Variants in FNTB observed in about 807,000 individuals in gnomAD.
The protein encoded by FNTB is protein farnesyltransferase subunit beta.
FNTB carries 27 observed loss-of-function variants against 59.4 expected under a neutral mutation model. That is an observed-to-expected ratio of 0.45 (90% CI 0.34 to 0.63). The LOEUF (loss-of-function observed/expected upper bound fraction) is 0.63, where lower values mean the gene tolerates loss of function less well. Ranked by LOEUF, FNTB falls within the 20% of genes least tolerant of loss-of-function variation. FNTB has a pLI of 0.02. For missense variants in FNTB, 449 were observed against 559.6 expected (o/e 0.80, Z 1.99); for synonymous variants, 230 against 220.7 (o/e 1.04, Z -0.37).
rs1330812430 is a variant in FNTB at position 64,991,837 on chromosome 14, A to G, written c.144+4740A>G. Among the ~76,000 whole-genome samples the G allele has an allele frequency of 6.6e-6, 1 of 152,116 alleles. No individual in the cohort carries two copies. Among genetic ancestry groups the G allele is most frequent in the Non-Finnish European group, 1.5e-5 (1 of 68,012 alleles). Reference sequence around the variant, plus strand: ...GACTCAGGCTTGACTGGGGGCGTTAAGATGGCTTACCAGGAACGGAGGGTG... The same window carrying G: ...GACTCAGGCTTGACTGGGGGCGTTAGGATGGCTTACCAGGAACGGAGGGTG... On this transcript the variant is annotated intron_variant, in intron 1 of 11. Coordinates refer to ENST00000246166, the MANE Select transcript of FNTB (RefSeq NM_002028.4). This position sits in a 1 kb window ranked among gnomAD's most constrained non-coding sequence, Gnocchi z 4.4.
Position 65,054,476 on chromosome 14 carries a change from G to GA in FNTB, c.1068-98dup, listed in dbSNP as rs1299323324. 5 of 1,192,288 alleles carry GA rather than the reference G, an allele frequency of 4.2e-6. No homozygotes were observed. The highest frequency in any genetic ancestry group is 5.9e-6 in the Non-Finnish European group (5 of 840,848). The allele number at this position is 1,192,288 out of a possible 1,614,324, so 73.9% of individuals were successfully genotyped here. A position where few individuals can be genotyped will look rare whatever the true frequency, so the allele number is the denominator to read the frequency against. On this transcript the variant is annotated intron_variant, in intron 10 of 11. Coordinates refer to ENST00000246166, the MANE Select transcript of FNTB (RefSeq NM_002028.4). This position sits in a 1 kb window ranked among gnomAD's most constrained non-coding sequence, Gnocchi z 4.4. ...TCTAGCCACATGGAGGATGGGGGGGGACGTGTGATTGCACCAGTGGTCTCT... is the reference window on the plus strand; with the variant it reads ...TCTAGCCACATGGAGGATGGGGGGGGAACGTGTGATTGCACCAGTGGTCTCT...
intron 1 of FNTB, among the ~76,000 whole-genome samples, chr14:65,000,815 C>CAAAAAAA (rs59420832): frequency 5.2e-4 from 19 of 36,478 alleles, no homozygotes; most frequent in African/African-American, 1.3e-3. Context: ...GACTCCGTCT[C>CAAAAAAA]AAAAAAAAAA....
In FNTB at chr14:65,028,391, GA is replaced by G. The variant is rs1408090421; in HGVS notation, c.605+612del. On this transcript the variant is annotated intron_variant, in intron 6 of 11. Transcript: ENST00000246166. This position sits in a 1 kb window ranked among gnomAD's most constrained non-coding sequence, Gnocchi z 4.4. ...GCAGATTACTTATGAGGCATACAGG[GA>G]ATTCATTGAATAAGCCATTTCTCTA... 6.6e-6 allele frequency among the ~76,000 whole-genome samples: 1 copy of G among 152,204 alleles called. No individual in the cohort carries two copies. The highest frequency in any genetic ancestry group is 1.5e-5 in the Non-Finnish European group (1 of 68,042).
At chr14:65,022,689 T>G (rs1595042389) in intron 4 of FNTB, among the ~76,000 whole-genome samples, 1 of 151,016 alleles carries the variant, frequency 6.6e-6, no homozygotes, top group Non-Finnish European at 1.5e-5. Context: ...AAAAAAAAAG[T>G]AGTCATTTTT....
chr14:65,027,366 T>C lies in FNTB; in HGVS notation c.375-87T>C, dbSNP rs1373957544. On this transcript the variant is annotated intron_variant, in intron 4 of 11. Transcript: ENST00000246166. This position sits in a 1 kb window ranked among gnomAD's most constrained non-coding sequence, Gnocchi z 5.7. ...CAACTTTTGAGGGAGTGGGGGATCA[T>C]TGGAAAGGCCTGGAATCTAGTGGGA... is the stretch of plus-strand genomic sequence containing the variant. 1.9e-5 allele frequency: 29 copies of C among 1,566,458 alleles called. No homozygotes were observed. The South Asian group carries it at 2.5e-4, about 14-fold the overall frequency.
At chr14:65,059,858 CAG>C (rs1312862641) in intron 11 of FNTB, among the ~76,000 whole-genome samples, 1 of 125,324 alleles carries the variant, frequency 8.0e-6, no homozygotes, top group Non-Finnish European at 1.6e-5. Flanking sequence ...TTTTTTGAGA[CAG>C]AGTCTCGCTG....
At position 65,027,571 on chromosome 14, in the gene FNTB, A is replaced by C; in HGVS notation, c.493A>C (p.Thr165Pro). Residue 165 changes from threonine (T) to proline (P), a missense_variant, in exon 5 of 12, where the codon ACC becomes CCC. By Grantham distance (38) the Thr-to-Pro change is conservative. Coordinates refer to ENST00000246166, the MANE Select transcript of FNTB (RefSeq NM_002028.4). The surrounding 1 kb of genome is among the most constrained non-coding windows in gnomAD (Gnocchi z 5.7). ...AGTCAATGCATTGTGCATCATTGGC[A>C]CCGAGGAGGCCTATGACATCATTAA... ...AAVNALCIIGTEEAYDIINRE... is the reference protein window; with the variant it reads ...AAVNALCIIGPEEAYDIINRE... 1 of 1,614,178 alleles carries C rather than the reference A, an allele frequency of 6.2e-7. No individual in the cohort carries two copies. The highest frequency in any genetic ancestry group is 8.5e-7 in the Non-Finnish European group (1 of 1,180,016).
intron 11 of FNTB, among the ~76,000 whole-genome samples, chr14:65,055,779 G>A (rs577382644): frequency 6.6e-6 from 1 of 152,196 alleles, no homozygotes; most frequent in African/African-American, 2.4e-5. Context: ...AGCCTCCCAA[G>A]GTGCCAGGAT....
In FNTB at chr14:65,012,254, A is replaced by G. The variant is rs2061695126; in HGVS notation, c.210-63A>G. On this transcript the variant is annotated intron_variant, in intron 2 of 11. Transcript: ENST00000246166. This position sits in a 1 kb window ranked among gnomAD's most constrained non-coding sequence, Gnocchi z 5.0. ...TTTACCCGTGTGTGTGTACGTGCAC[A>G]TACGTGTGTATGGTGGAAGCATAAG... is the stretch of plus-strand genomic sequence containing the variant. 1 of 1,601,996 alleles carries G rather than the reference A, an allele frequency of 6.2e-7. No homozygotes were observed. Among genetic ancestry groups the G allele is most frequent in the South Asian group, 1.1e-5 (1 of 90,646 alleles).
intron 7 of FNTB, among the ~76,000 whole-genome samples, chr14:65,037,402 CCTTTTTTTTTTTTTTTTTTTTTTTT>C (rs1468305174): frequency 0.033 from 480 of 14,520 alleles, 44 homozygotes; most frequent in Middle Eastern, 0.25. Flanking sequence ...CACGCCGGGC[CCTTTTTTTTTTTTTTTTTTTTTTTT>C]TTTTTTTTTT....
At chr14:65,019,102 G>A (rs2061837507) in intron 4 of FNTB, among the ~76,000 whole-genome samples, 1 of 152,212 alleles carries the variant, frequency 6.6e-6, no homozygotes, top group Non-Finnish European at 1.5e-5. Context: ...GAACCCGGGA[G>A]GCGGAGGTTG....
chr14:64,999,781 T>C (rs760480030), intron 1 of FNTB, among the ~76,000 whole-genome samples: 34 of 152,218 alleles, frequency 2.2e-4, no homozygotes, highest in Non-Finnish European at 2.2e-4. Context: ...AATACACAGA[T>C]AGTCATCAGA....
chr14:65,048,032 G>A (rs1345266493), intron 9 of FNTB, among the ~76,000 whole-genome samples: 1 of 145,038 alleles, frequency 6.9e-6, no homozygotes, highest in Non-Finnish European at 1.5e-5. Flanking sequence ...CTGTTGCTGA[G>A]GCTGGAGTGC....
Position 65,007,972 on chromosome 14 carries a change from C to T in FNTB, c.209+3659C>T, listed in dbSNP as rs1194577294. ...CCAGAATACTCTGAGTTAAAGTCCT[C>T]AAAGCAGGTCTCTCACAGGCACCAG... On this transcript the variant is annotated intron_variant, in intron 2 of 11. Transcript: ENST00000246166. This position sits in a 1 kb window ranked among gnomAD's most constrained non-coding sequence, Gnocchi z 4.9. 6.6e-6 allele frequency among the ~76,000 whole-genome samples: 1 copy of T among 152,174 alleles called. No homozygotes were observed. Among genetic ancestry groups the T allele is most frequent in the Non-Finnish European group, 1.5e-5 (1 of 68,040 alleles).
chr14:65,006,371 C>T (rs2061590661), intron 2 of FNTB: 1 of 1,555,936 alleles, frequency 6.4e-7, no homozygotes, highest in Non-Finnish European at 8.7e-7. Context: ...TAACCCAATG[C>T]TCTGACCTCA....
chr14:65,004,303 C>G lies in FNTB; in HGVS notation c.199C>G (p.Leu67Val), dbSNP rs768861678. The change falls in exon 2 of 12, where the codon CTT (leucine) becomes GTT (valine). Residue 67 changes from leucine (L) to valine (V), a missense_variant. This residue lies in a region of FNTB where 112 missense variants were observed against 80.5 expected (regional missense o/e 1.39). Coordinates refer to ENST00000246166, the MANE Select transcript of FNTB (RefSeq NM_002028.4). ...CTTCAGTTCTTACAAGTTCAACCAC[C>G]TTGTACCAAGGTAAGCTGTGGTTAG... ...EVFSSYKFNH[L>V]VPRLVLQREK... 1.2e-6 allele frequency: 2 copies of G among 1,613,012 alleles called. No homozygotes were observed. Among genetic ancestry groups the G allele is most frequent in the Non-Finnish European group, 8.5e-7 (1 of 1,179,420 alleles).
At position 65,061,810 on chromosome 14, in the gene FNTB, C is replaced by T. The variant is rs547857203; in HGVS notation, c.*498C>T. ...TGTGGTGGAGTTGCACCAGGAGGTG[C>T]CTCTGCCTCTCGACTTGCACCCTGG... On this transcript the variant is annotated 3_prime_UTR_variant, in exon 12 of 12. Transcript: ENST00000246166. The T allele has an allele frequency of 4.5e-5, 7 of 155,128 alleles. No homozygotes were observed. In the South Asian group the frequency reaches 1.2e-3, roughly 26 times the overall value. The allele number at this position is 155,128 out of a possible 1,614,324, so 9.6% of individuals were successfully genotyped here. A position where few individuals can be genotyped will look rare whatever the true frequency, so the allele number is the denominator to read the frequency against.
chr14:65,032,533 A>C lies in FNTB; in HGVS notation c.606-77A>C. ...TTACAGCTTACTAGGCAAGGCGAGC[A>C]GTCCGCCCGCGGAGTTCACTGAGCC... On this transcript the variant is annotated intron_variant, in intron 6 of 11. Coordinates refer to ENST00000246166, the MANE Select transcript of FNTB (RefSeq NM_002028.4). This position sits in a 1 kb window ranked among gnomAD's most constrained non-coding sequence, Gnocchi z 5.0. The C allele has an allele frequency of 4.6e-6, 7 of 1,527,240 alleles. No homozygotes were observed. The highest frequency in any genetic ancestry group is 6.2e-6 in the Non-Finnish European group (7 of 1,127,294). The allele number at this position is 1,527,240 out of a possible 1,614,324, so 94.6% of individuals were successfully genotyped here.
At chr14:65,040,604 CTTTTTTTTTTT>C (rs35890649) in intron 7 of FNTB, among the ~76,000 whole-genome samples, 175 bp from the exon 8 acceptor site, 1 of 117,326 alleles carries the variant, frequency 8.5e-6, no homozygotes, top group African/African-American at 3.3e-5. Flanking sequence ...CCAGGCCCAG[CTTTTTTTTTTT>C]TTTTTTTTTG....
Sources: gnomAD v4.1 joint callset for allele counts (sites outside exome capture counted in the v4.1 genomes callset) on GRCh38, gnomAD v4.1.1 for gene constraint, gnomAD v4.1.1 regional missense constraint, Gnocchi (gnomAD v3.1) non-coding constraint, MANE v1.5 for transcripts, NCBI Gene and HGNC (gene_info 2026-07-23, HGNC 2026-07-21) for gene names.